FOCAD: variants seen among roughly 807,000 people sequenced by gnomAD.
FOCAD encodes the protein focadhesin.
FOCAD carries 198 observed loss-of-function variants against 225.6 expected under a neutral mutation model. The ratio of observed to expected loss-of-function variants is 0.88; its 90% confidence interval spans 0.78 to 0.99. FOCAD has a LOEUF of 0.99. Among genes scored for constraint, FOCAD ranks in the 50% least tolerant of loss-of-function variants. The probability of loss-of-function intolerance (pLI) is 0.00; values close to 1 mark genes in which losing one functional copy is unlikely to be tolerated. For missense variants in FOCAD, 2,713 were observed against 2,123.6 expected (o/e 1.28, Z -5.46); for synonymous variants, 897 against 755.0 (o/e 1.19, Z -3.08).
intron 1 of FOCAD, among the ~76,000 whole-genome samples, chr9:20,694,058 A>G (rs1296091754): frequency 6.6e-6 from 1 of 152,170 alleles, no homozygotes; most frequent in Non-Finnish European, 1.5e-5. Flanking sequence ...ATTCTTCCAC[A>G]TCCAGACTCT....
At chr9:20,688,987 C>G (rs1038897337) in intron 1 of FOCAD, among the ~76,000 whole-genome samples, 22 of 152,090 alleles carry the variant, frequency 1.4e-4, no homozygotes, top group Non-Finnish European at 1.5e-5. Flanking sequence ...GGAGTTGAAA[C>G]TATTGGTGAA....
intron 15 of FOCAD, among the ~76,000 whole-genome samples, chr9:20,829,292 C>A (rs557192978): frequency 6.6e-6 from 1 of 152,200 alleles, no homozygotes; most frequent in African/African-American, 2.4e-5. Context: ...ACTTTACCAG[C>A]ATCTGTTATT....
chr9:20,736,625 C>T (rs1827172648), intron 4 of FOCAD, among the ~76,000 whole-genome samples: 1 of 152,168 alleles, frequency 6.6e-6, no homozygotes, highest in Admixed American at 6.5e-5. Flanking sequence ...TGTGCTTACA[C>T]AGCGTCATCT....
In FOCAD at chr9:20,907,113, G is replaced by C. The variant is rs563743337; in HGVS notation, c.2626-37G>C. 7 of 1,453,936 alleles carry C rather than the reference G, an allele frequency of 4.8e-6. No individual in the cohort carries two copies. The African/African-American group carries it at 5.6e-5, about 12-fold the overall frequency. 90.1% of individuals were successfully genotyped at this position (1,453,936 alleles called of 1,614,324 possible). A position where few individuals can be genotyped will look rare whatever the true frequency, so the allele number is the denominator to read the frequency against. ...TTTAATTTTATTCTTTTTTAATACTGTGTAGCCTAATATGTTGTGGTACAT... is the reference window on the plus strand; with the variant it reads ...TTTAATTTTATTCTTTTTTAATACTCTGTAGCCTAATATGTTGTGGTACAT... On this transcript the variant is annotated intron_variant, in intron 21 of 43. Transcript: ENST00000338382.
At chr9:20,936,035 T>A (rs565979685) in intron 28 of FOCAD, among the ~76,000 whole-genome samples, 42 of 152,358 alleles carry the variant, frequency 2.8e-4, no homozygotes, top group Admixed American at 2.3e-3. Flanking sequence ...TCTGTGTGAC[T>A]TGTGTAGGTG....
chr9:20,716,661 T>C (rs1825360605), intron 2 of FOCAD, among the ~76,000 whole-genome samples: 1 of 152,202 alleles, frequency 6.6e-6, no homozygotes, highest in Non-Finnish European at 1.5e-5. Context: ...AAATATTTCT[T>C]ATTGTTCTTC....
intron 21 of FOCAD, among the ~76,000 whole-genome samples, chr9:20,894,185 C>T (rs778326269): frequency 3.3e-5 from 5 of 152,050 alleles, no homozygotes; most frequent in Non-Finnish European, 7.4e-5. Flanking sequence ...TTGTTTTCTG[C>T]ATGTATTTTC....
intron 1 of FOCAD, among the ~76,000 whole-genome samples, chr9:20,702,962 G>C (rs1256185133): frequency 1.3e-4 from 20 of 152,060 alleles, no homozygotes; most frequent in Admixed American, 1.3e-3. Context: ...AGCTGAGATC[G>C]TGCCACTGCA....
chr9:20,705,250 G>T (rs1270563057), intron 1 of FOCAD, among the ~76,000 whole-genome samples: 1 of 152,122 alleles, frequency 6.6e-6, no homozygotes, highest in Non-Finnish European at 1.5e-5. Flanking sequence ...GAATTCCAGT[G>T]TACCTATTAT....
chr9:20,659,423 G>GAAA (rs113828761), intron 2 of FOCAD, among the ~76,000 whole-genome samples: 20 of 18,214 alleles, frequency 1.1e-3, no homozygotes, highest in African/African-American at 7.3e-3. Flanking sequence ...GAGAAAGAAA[G>GAAA]GAGAAAGAAA....
chr9:20,875,041 A>G (rs1830122739), intron 19 of FOCAD: 5 of 474,398 alleles, frequency 1.1e-5, no homozygotes, highest in South Asian at 8.5e-5. Flanking sequence ...AGTGTAAACA[A>G]TTGTGTTCAC....
intron 35 of FOCAD, among the ~76,000 whole-genome samples, chr9:20,958,371 G>A (rs951632768): frequency 6.8e-6 from 1 of 147,286 alleles, no homozygotes; most frequent in Admixed American, 6.7e-5. Context: ...TAAGAGGTTG[G>A]TTTTTTTTTT....
At chr9:20,765,543 C>G (rs1563962737) in intron 7 of FOCAD, among the ~76,000 whole-genome samples, 1 of 152,168 alleles carries the variant, frequency 6.6e-6, no homozygotes, top group Non-Finnish European at 1.5e-5. Context: ...CCCCTTGCAA[C>G]ATATGCAGCA....
At position 20,990,321 on chromosome 9, in the gene FOCAD, A is replaced by G; in HGVS notation, c.5203A>G (p.Asn1735Asp). The G allele has an allele frequency of 6.2e-7, 1 of 1,614,030 alleles. No homozygotes were observed. Among genetic ancestry groups the G allele is most frequent in the Non-Finnish European group, 8.5e-7 (1 of 1,179,984 alleles). The change falls in exon 42 of 44, where the codon AAT becomes GAT. Residue 1735 changes from asparagine (N) to aspartate (D), a missense_variant. Coordinates refer to ENST00000338382, the MANE Select transcript of FOCAD (RefSeq NM_001375567.1). ...GCAGGAGGTTCTCACTCTCCTTCCC[A>G]ATAGCATGGCTCTGCTGCTGCAGAA... ...TLQEVLTLLP[N>D]SMALLLQKEP...
intron 5 of FOCAD, among the ~76,000 whole-genome samples, chr9:20,745,280 T>C: frequency 6.6e-6 from 1 of 152,000 alleles, no homozygotes; most frequent in Non-Finnish European, 1.5e-5. Context: ...GCTAATTTTT[T>C]GTAGAGGCAG....
intron 39 of FOCAD, among the ~76,000 whole-genome samples, chr9:20,983,400 C>A (rs538065702): frequency 1.3e-5 from 2 of 151,748 alleles, no homozygotes; most frequent in Non-Finnish European, 2.9e-5. Flanking sequence ...GGTGAAACCC[C>A]GTCTCTACTA....
At chr9:20,958,568 T>C (rs1186135116) in intron 35 of FOCAD, among the ~76,000 whole-genome samples, 1 of 152,152 alleles carries the variant, frequency 6.6e-6, no homozygotes. Context: ...CCTAGCTACT[T>C]GAAACTATGT....
intron 26 of FOCAD, among the ~76,000 whole-genome samples, chr9:20,926,910 T>C (rs969703132): frequency 2.6e-5 from 4 of 151,132 alleles, no homozygotes; most frequent in East Asian, 1.9e-4. Context: ...ATATTATCTA[T>C]ATAAAATATG....
chr9:20,782,268 A>G (rs1819459182), intron 10 of FOCAD, among the ~76,000 whole-genome samples: 1 of 152,244 alleles, frequency 6.6e-6, no homozygotes, highest in Non-Finnish European at 1.5e-5. Context: ...ACTGTTAGTT[A>G]AGTACAGCAT....
Sources: gnomAD v4.1 joint callset for allele counts (sites outside exome capture counted in the v4.1 genomes callset) on GRCh38, gnomAD v4.1.1 for gene constraint, MANE v1.5 for transcripts, NCBI Gene and HGNC (gene_info 2026-07-23, HGNC 2026-07-21) for gene names.